ADAMTS2: variants seen among roughly 807,000 people sequenced by gnomAD.
ADAMTS2 encodes the protein A disintegrin and metalloproteinase with thrombospondin motifs 2.
In ADAMTS2, 50 loss-of-function variants were observed where a neutral mutation model predicts 123.0. The ratio of observed to expected loss-of-function variants is 0.41; its 90% confidence interval spans 0.32 to 0.51. The LOEUF (loss-of-function observed/expected upper bound fraction) is 0.51, where lower values mean the gene tolerates loss of function less well. Ranked by LOEUF, ADAMTS2 falls within the 20% of genes least tolerant of loss-of-function variation. The probability of loss-of-function intolerance (pLI) is 0.35; values close to 1 mark genes in which losing one functional copy is unlikely to be tolerated. For missense variants in ADAMTS2, 1,494 were observed against 1,705.2 expected, an observed-to-expected ratio of 0.88 and a Z score of 2.18; for synonymous variants, 678 against 695.4, an observed-to-expected ratio of 0.98 and a Z score of 0.39.
Position 179,202,385 on chromosome 5 carries a change from C to A in ADAMTS2, c.891+5128G>T, listed in dbSNP as rs1764588639. On this transcript the variant is annotated intron_variant, in intron 4 of 21. Transcript: ENST00000251582. The surrounding 1 kb of genome is among the most constrained non-coding windows in gnomAD (Gnocchi z 4.0). ...TGCTCCCGTGATATCTCCAGTGCAC[C>A]AGCCCCTGAGCTGTAGAAAGTGGCC... Among the ~76,000 whole-genome samples the A allele has an allele frequency of 6.7e-6, 1 of 149,530 alleles. No homozygotes were observed. Among genetic ancestry groups the A allele is most frequent in the Non-Finnish European group, 1.5e-5 (1 of 66,868 alleles).
Position 179,132,706 on chromosome 5 carries a change from C to T in ADAMTS2, c.2209+71G>A. 6.2e-7 allele frequency: 1 copy of T among 1,609,248 alleles called. No individual in the cohort carries two copies. The highest frequency in any genetic ancestry group is 8.5e-7 in the Non-Finnish European group (1 of 1,176,454). On this transcript the variant is annotated intron_variant, in intron 14 of 21. Transcript: ENST00000251582. The surrounding 1 kb of genome is among the most constrained non-coding windows in gnomAD (Gnocchi z 6.1). ...CCGGACAGCCCCAGGATGAGTCAGG[C>T]CCTCAGCTGTCCGGGCATGAGCCTG...
chr5:179,183,595 G>A (rs1185232432), intron 4 of ADAMTS2, among the ~76,000 whole-genome samples: 10 of 152,234 alleles, frequency 6.6e-5, no homozygotes, highest in Admixed American at 1.3e-4. Context: ...TCCCAGCTGT[G>A]TGTAGCAGAT....
chr5:179,345,307 C>T lies in ADAMTS2; in HGVS notation c.22G>A (p.Ala8Thr), dbSNP rs1267078082. Reference sequence around the variant, plus strand: ...AGCGCGGGGCAGAGCAGGCGGCGAGCGGCTCCCGCCGGCGGATCCATGGCA... The same window carrying T: ...AGCGCGGGGCAGAGCAGGCGGCGAGTGGCTCCCGCCGGCGGATCCATGGCA... MDPPAGA[A>T]RRLLCPALLL... is the part of the protein sequence containing the mutation. Residue 8 changes from alanine (A) to threonine (T), a missense_variant, in exon 1 of 22, where the codon GCT becomes ACT. By Grantham distance (58) the Ala-to-Thr change is moderately conservative. Around this residue, in one of 6 missense-constraint regions of ADAMTS2, gnomAD observed 237 missense variants for 233.7 expected, o/e 1.01. Coordinates refer to ENST00000251582, the MANE Select transcript of ADAMTS2 (RefSeq NM_014244.5). The surrounding 1 kb of genome is among the most constrained non-coding windows in gnomAD (Gnocchi z 7.5). 3.5e-6 allele frequency: 4 copies of T among 1,133,926 alleles called. No homozygotes were observed. The highest frequency in any genetic ancestry group is 3.3e-5 in the African/African-American group (2 of 60,680). The allele number at this position is 1,133,926 out of a possible 1,614,324, so 70.2% of individuals were successfully genotyped here.
At chr5:179,245,765 CAAAAAAAAAAAAAAAAA>C (rs1171837041) in intron 3 of ADAMTS2, among the ~76,000 whole-genome samples, 1 of 17,200 alleles carries the variant, frequency 5.8e-5, no homozygotes, top group Non-Finnish European at 1.1e-4. Context: ...GACTCCGTCT[CAAAAAAAAAAAAAAAAA>C]AAAAAAAAAA....
intron 2 of ADAMTS2, among the ~76,000 whole-genome samples, chr5:179,302,368 C>G (rs893637477): frequency 2.0e-5 from 2 of 99,570 alleles, no homozygotes; most frequent in Non-Finnish European, 3.6e-5. Context: ...GGCGACAGAG[C>G]AAGACCGTCT....
At chr5:179,277,275 C>T (rs574739702) in intron 2 of ADAMTS2, among the ~76,000 whole-genome samples, 17 of 152,144 alleles carry the variant, frequency 1.1e-4, no homozygotes, top group African/African-American at 4.1e-4. Flanking sequence ...ACAACGCATG[C>T]TGGACGATGA....
At chr5:179,232,790 T>A (rs79556951) in intron 3 of ADAMTS2, among the ~76,000 whole-genome samples, 3 of 150,330 alleles carry the variant, frequency 2.0e-5, no homozygotes, top group South Asian at 2.1e-4. Flanking sequence ...TTTTTTTTTT[T>A]AATAAAGGGC....
At chr5:179,207,471 A>ACCCAGGCC in intron 4 of ADAMTS2, 42 bp downstream of exon 4, 1 of 1,026,474 alleles carries the variant, frequency 9.7e-7, no homozygotes, top group Non-Finnish European at 1.5e-6. Context: ...CCCCTGGTTG[A>ACCCAGGCC]CCCTCCCCGC....
chr5:179,341,917 A>G (rs2127462735), intron 2 of ADAMTS2, among the ~76,000 whole-genome samples: 1 of 152,158 alleles, frequency 6.6e-6, no homozygotes, highest in African/African-American at 2.4e-5. Context: ...ACCTCTGCAC[A>G]CGCTCCTCCC....
At position 179,321,093 on chromosome 5, in the gene ADAMTS2, C is replaced by T. The variant is rs1005816256; in HGVS notation, c.534+22674G>A. On this transcript the variant is annotated intron_variant, in intron 2 of 21. Coordinates refer to ENST00000251582, the MANE Select transcript of ADAMTS2 (RefSeq NM_014244.5). ...AAGTTTTTTTTTCTTTTTTCTGAAG[C>T]CACTTTTACTTGGATTTCCAACACT... is the stretch of plus-strand genomic sequence containing the variant. Among the ~76,000 whole-genome samples, 3 of 151,968 alleles carry T rather than the reference C, an allele frequency of 2.0e-5. No individual in the cohort carries two copies. The East Asian group carries it at 5.8e-4, about 29-fold the overall frequency.
intron 5 of ADAMTS2, among the ~76,000 whole-genome samples, chr5:179,165,354 G>A (rs890761198): frequency 1.2e-4 from 19 of 152,232 alleles, no homozygotes; most frequent in Admixed American, 1.0e-3. Flanking sequence ...AGAAGTGAGG[G>A]AGGCTGCACT....
chr5:179,205,730 C>T (rs888888250), intron 4 of ADAMTS2, among the ~76,000 whole-genome samples: 6 of 150,114 alleles, frequency 4.0e-5, no homozygotes, highest in South Asian at 4.2e-4. Context: ...AGTAGGGGCT[C>T]GATAATGTAG....
rs1221498131 is a variant in ADAMTS2 at position 179,134,637 on chromosome 5, G to A, written c.2085+1272C>T. On this transcript the variant is annotated intron_variant, in intron 13 of 21. Coordinates refer to ENST00000251582, the MANE Select transcript of ADAMTS2 (RefSeq NM_014244.5). Reference sequence around the variant, plus strand: ...TTCTTGTTTTGGCGTATTTGGTGTCGCCATCTCTGAGCCAGCTGTATAGCC... The same window carrying A: ...TTCTTGTTTTGGCGTATTTGGTGTCACCATCTCTGAGCCAGCTGTATAGCC... Among the ~76,000 whole-genome samples, 12 of 152,286 alleles carry A rather than the reference G, an allele frequency of 7.9e-5. No individual in the cohort carries two copies. The South Asian group carries it at 1.5e-3, about 18-fold the overall frequency.
At chr5:179,315,112 A>C (rs988084935) in intron 2 of ADAMTS2, among the ~76,000 whole-genome samples, 5 of 111,948 alleles carry the variant, frequency 4.5e-5, no homozygotes, top group South Asian at 2.9e-4. Context: ...GGCCTCACTC[A>C]CTCTCTCTCT....
At chr5:179,311,625 C>T (rs997336690) in intron 2 of ADAMTS2, among the ~76,000 whole-genome samples, 1 of 152,204 alleles carries the variant, frequency 6.6e-6, no homozygotes, top group Non-Finnish European at 1.5e-5. Context: ...TCTGGTCAGG[C>T]TCGTCCTCCC....
At position 179,273,071 on chromosome 5, in the gene ADAMTS2, G is replaced by C. The variant is rs372454455; in HGVS notation, c.535-7C>G. On this transcript the variant is annotated splice_polypyrimidine_tract_variant and splice_region_variant and intron_variant, in intron 2 of 21. Transcript: ENST00000251582. ...CCATCCGGATCAGACCAGCCTGCGGGACAAAGACAACAGGATCAGATTTCC... is the reference window on the plus strand; with the variant it reads ...CCATCCGGATCAGACCAGCCTGCGGCACAAAGACAACAGGATCAGATTTCC... The C allele has an allele frequency of 1.2e-6, 2 of 1,613,542 alleles. No homozygotes were observed. The highest frequency in any genetic ancestry group is 1.7e-5 in the Admixed American group (1 of 60,036).
intron 6 of ADAMTS2, among the ~76,000 whole-genome samples, chr5:179,157,938 A>T (rs575156555): frequency 6.6e-6 from 1 of 151,166 alleles, no homozygotes; most frequent in South Asian, 2.1e-4. Context: ...AGTTTTTTCC[A>T]TTGAGTTCAT....
Position 179,254,675 on chromosome 5 carries a change from T to C in ADAMTS2, c.688+18236A>G, listed in dbSNP as rs553536725. Among the ~76,000 whole-genome samples the C allele has an allele frequency of 1.2e-4, 18 of 152,342 alleles. No individual in the cohort carries two copies. In the South Asian group the frequency reaches 3.5e-3, roughly 30 times the overall value. On this transcript the variant is annotated intron_variant, in intron 3 of 21. Coordinates refer to ENST00000251582, the MANE Select transcript of ADAMTS2 (RefSeq NM_014244.5). ...AGGTCACACACACACTCCCTCTCAC[T>C]GTCCCTGAAGCCCATAGCCCCCTCT...
chr5:179,336,883 C>A (rs1038062752), intron 2 of ADAMTS2, among the ~76,000 whole-genome samples: 12 of 152,206 alleles, frequency 7.9e-5, no homozygotes. Flanking sequence ...GTGAAATGCA[C>A]AAGGCAGGGT....
Sources: gnomAD v4.1 joint callset for allele counts (sites outside exome capture counted in the v4.1 genomes callset) on GRCh38, gnomAD v4.1.1 for gene constraint, gnomAD v4.1.1 regional missense constraint, Gnocchi (gnomAD v3.1) non-coding constraint, MANE v1.5 for transcripts, NCBI Gene and HGNC (gene_info 2026-07-23, HGNC 2026-07-21) for gene names.